Variants in C6orf120 observed in about 807,000 individuals in gnomAD.
The protein encoded by C6orf120 is UPF0669 protein C6orf120.
For missense variants in C6orf120, 311 were observed against 264.2 expected (o/e 1.18, Z -1.23); for synonymous variants, 165 against 123.1 (o/e 1.34, Z -2.25).
chr6:169,706,328 C>T (rs1788788228), downstream of C6orf120, among the ~76,000 whole-genome samples: 11 of 151,224 alleles, frequency 7.3e-5, no homozygotes, highest in Admixed American at 7.3e-4. Flanking sequence ...ATTCTCTTTG[C>T]ATGTCTAATA....
exon 1 of C6orf120, chr6:169,702,950 C>G (rs1244594223): frequency 3.7e-6 from 6 of 1,610,242 alleles, no homozygotes; most frequent in Non-Finnish European, 4.2e-6. Context: ...GCTGGTGCCC[C>G]GGAAGACGCC....
chr6:169,703,977 A>G (rs764468699), exon 1 of C6orf120: 1 of 1,504,358 alleles, frequency 6.6e-7, no homozygotes, highest in Non-Finnish European at 9.0e-7. Context: ...TTAAATGCAT[A>G]TACAGTATTA....
At chr6:169,702,723 C>T (rs1788431123) in exon 1 of C6orf120, 1 of 1,613,556 alleles carries the variant, frequency 6.2e-7, no homozygotes, top group African/African-American at 1.3e-5. Flanking sequence ...TGCACCCCAG[C>T]TTCGACGACT....
downstream of C6orf120, among the ~76,000 whole-genome samples, chr6:169,705,982 A>G (rs1389095376): frequency 6.6e-6 from 1 of 152,220 alleles, no homozygotes; most frequent in Non-Finnish European, 1.5e-5. Flanking sequence ...CTACATGCAC[A>G]GTAAGATTTG....
Position 169,703,961 on chromosome 6 carries a change from T to G in C6orf120, c.*926T>G, listed in dbSNP as rs982883561. On this transcript the variant is annotated 3_prime_UTR_variant, in exon 1 of 1. Coordinates refer to ENST00000332290, the Ensembl canonical transcript of C6orf120. The stretch of plus-strand genomic sequence containing the variant: ...ATAATGTTGTAAATGGCACCAAATA[T>G]TCCACTTAAATGCATATACAGTATT... The G allele has an allele frequency of 1.6e-5, 22 of 1,418,410 alleles. No individual in the cohort carries two copies. In the East Asian group the frequency reaches 2.1e-4, roughly 13 times the overall value. The allele number at this position is 1,418,410 out of a possible 1,614,324, so 87.9% of individuals were successfully genotyped here.
downstream of C6orf120, chr6:169,705,801 T>C (rs1788764902): frequency 2.5e-6 from 2 of 792,540 alleles, no homozygotes; most frequent in East Asian, 4.9e-5. Flanking sequence ...TGTTACTTTA[T>C]TGCCCTATTT....
exon 1 of C6orf120, chr6:169,704,479 CCTGGTGTACT>C: frequency 5.1e-6 from 1 of 196,134 alleles, no homozygotes; most frequent in Non-Finnish European, 1.1e-5. Context: ...TCTTTCAAGT[CCTGGTGTACT>C]CTGCTGACAG....
chr6:169,702,186 G>A (rs985532951), upstream of C6orf120: 10 of 665,988 alleles, frequency 1.5e-5, no homozygotes, highest in African/African-American at 3.5e-5. Context: ...GGCCCCCTGC[G>A]GGGAGTGGTG....
downstream of C6orf120, chr6:169,705,024 A>G (rs563688315): frequency 2.7e-5 from 20 of 734,228 alleles, no homozygotes; most frequent in African/African-American, 9.0e-5. Flanking sequence ...ATATTTGCAC[A>G]TAAGAGTCCA....
At chr6:169,703,239 C>T (rs545359793) in exon 1 of C6orf120, 1 of 620,098 alleles carries the variant, frequency 1.6e-6, no homozygotes, top group East Asian at 2.8e-5. Flanking sequence ...GATCATAATT[C>T]CTATAAAAGG....
downstream of C6orf120, chr6:169,705,756 G>T (rs1562984022): frequency 9.9e-7 from 1 of 1,012,578 alleles, no homozygotes; most frequent in Non-Finnish European, 1.6e-6. Context: ...ATAAATTCAT[G>T]CCAGAAGAGC....
At chr6:169,705,260 C>T, downstream of C6orf120, 1 of 1,613,238 alleles carries the variant, frequency 6.2e-7, no homozygotes, top group Non-Finnish European at 8.5e-7. Context: ...CCATACACTG[C>T]CATGGGTAGG....
At chr6:169,705,408 C>A (rs1450534878), downstream of C6orf120, 2 of 910,446 alleles carry the variant, frequency 2.2e-6, no homozygotes, top group East Asian at 5.0e-5. Flanking sequence ...TTTAGGACTT[C>A]CAGAGAATGG....
chr6:169,704,101 T>C (rs1461015599), exon 1 of C6orf120: 2 of 1,570,254 alleles, frequency 1.3e-6, no homozygotes, highest in African/African-American at 1.4e-5. Flanking sequence ...AGGAAAAAAA[T>C]TGTTAATATA....
rs776531112 is a variant in C6orf120, at chr6:169,704,098, A to C, written c.*1063A>C. On this transcript the variant is annotated 3_prime_UTR_variant, in exon 1 of 1. Transcript: ENST00000332290. ...TCACAAATCCAGCGACCTAGGAAAA[A>C]AATTGTTAATATAGAATGAAAAATT... 1.9e-6 allele frequency: 3 copies of C among 1,573,392 alleles called. No individual in the cohort carries two copies. In the South Asian group the frequency reaches 3.6e-5, roughly 19 times the overall value.
At chr6:169,703,219 G>A (rs1348088253) in exon 1 of C6orf120, 4 of 636,956 alleles carry the variant, frequency 6.3e-6, no homozygotes, top group Non-Finnish European at 1.1e-5. Context: ...AGCAAGCACA[G>A]TATTTTAAAG....
chr6:169,705,506 G>T, downstream of C6orf120: 1 of 758,956 alleles, frequency 1.3e-6, no homozygotes, highest in Non-Finnish European at 2.3e-6. Flanking sequence ...GCTACCCTGT[G>T]TATTTAATTT....
At chr6:169,702,701 C>T in exon 1 of C6orf120, 3 of 1,613,510 alleles carry the variant, frequency 1.9e-6, no homozygotes, top group South Asian at 2.2e-5. Context: ...CTGTACGTCT[C>T]CGCCAGCAGC....
chr6:169,703,954 C>A, exon 1 of C6orf120: 2 of 1,373,642 alleles, frequency 1.5e-6, no homozygotes, highest in East Asian at 5.2e-5. Context: ...GTAAATGGCA[C>A]CAAATATTCC....
Sources: allele counts gnomAD v4.1 joint callset (sites outside exome capture counted in the v4.1 genomes callset), GRCh38; gene constraint gnomAD v4.1.1; transcripts MANE v1.5; gene names NCBI Gene and HGNC (gene_info 2026-07-23, HGNC 2026-07-21).